The following EXOC6B variants were observed in gnomAD, a reference collection of about 807,000 sequenced individuals.
The protein encoded by EXOC6B is SEC15 homolog B.
Under a neutral mutation model 113.5 loss-of-function variants are expected in EXOC6B, and 54 were observed. The observed-to-expected ratio is 0.48, with a 90% CI of 0.38 to 0.60. EXOC6B has a LOEUF of 0.60. EXOC6B is among the 20% of genes least tolerant of loss of function. EXOC6B has a pLI of 0.00. For synonymous variants in EXOC6B, 357 were observed against 339.0 expected (o/e 1.05, Z -0.58); for missense variants, 797 against 977.5 (o/e 0.82, Z 2.46).
At chr2:72,286,699 T>G (rs1360423336) in intron 20 of EXOC6B, among the ~76,000 whole-genome samples, 1 of 152,066 alleles carries the variant, frequency 6.6e-6, no homozygotes, top group African/African-American at 2.4e-5. Context: ...CATACCACTC[T>G]GGGGGGAATA....
intron 16 of EXOC6B, among the ~76,000 whole-genome samples, chr2:72,487,663 A>T (rs1325758238): frequency 2.0e-5 from 3 of 152,120 alleles, no homozygotes; most frequent in Non-Finnish European, 4.4e-5. Context: ...CGAATCCTAC[A>T]CTGACAGTTT....
chr2:72,625,067 G>T (rs867318207), intron 6 of EXOC6B, among the ~76,000 whole-genome samples: 1,619 of 141,980 alleles, frequency 0.011, 33 homozygotes, highest in African/African-American at 0.024. Context: ...TTTTTTTTTG[G>T]GGGGGGGGTG....
chr2:72,547,410 G>A (rs1053472713), intron 8 of EXOC6B, among the ~76,000 whole-genome samples: 1 of 152,152 alleles, frequency 6.6e-6, no homozygotes, highest in South Asian at 2.1e-4. Context: ...AATCAAAGGT[G>A]AACATTTTGT....
chr2:72,425,030 C>T (rs1558654851), intron 18 of EXOC6B, among the ~76,000 whole-genome samples: 1 of 152,140 alleles, frequency 6.6e-6, no homozygotes, highest in Non-Finnish European at 1.5e-5. Context: ...TGTTGCTCTC[C>T]TCTATGTGTC....
At chr2:72,215,571 A>G (rs565621434) in intron 20 of EXOC6B, among the ~76,000 whole-genome samples, 1 of 152,286 alleles carries the variant, frequency 6.6e-6, no homozygotes, top group Admixed American at 6.5e-5. Flanking sequence ...AGGCACCTTC[A>G]AACAGACAGG....
chr2:72,465,387 G>A (rs1697983683), intron 17 of EXOC6B, 48 bp from the exon 18 acceptor site: 2 of 1,458,742 alleles, frequency 1.4e-6, no homozygotes, highest in African/African-American at 1.4e-5. Context: ...TTCAATATGG[G>A]CAGAAATTTC....
intron 6 of EXOC6B, among the ~76,000 whole-genome samples, chr2:72,609,639 T>A (rs1670953654): frequency 6.6e-6 from 1 of 150,624 alleles, no homozygotes; most frequent in African/African-American, 2.4e-5. Context: ...ATGATAAAAG[T>A]ATAATTGGAT....
At chr2:72,525,721 T>C (rs1701718079) in intron 8 of EXOC6B, among the ~76,000 whole-genome samples, 1 of 152,160 alleles carries the variant, frequency 6.6e-6, no homozygotes, top group Non-Finnish European at 1.5e-5. Context: ...CAAGTTATTT[T>C]ACTATTTAAA....
At chr2:72,335,944 T>A (rs1316529765) in intron 19 of EXOC6B, among the ~76,000 whole-genome samples, 1 of 152,092 alleles carries the variant, frequency 6.6e-6, no homozygotes. Context: ...CAAAAACTAG[T>A]AACAGTTAAG....
intron 19 of EXOC6B, among the ~76,000 whole-genome samples, chr2:72,351,453 A>G (rs762050156): frequency 1.3e-5 from 2 of 152,214 alleles, no homozygotes; most frequent in Non-Finnish European, 2.9e-5. Context: ...CACTGACTCA[A>G]CGTCTTTATC....
At chr2:72,686,212 T>C (rs1199413829) in intron 6 of EXOC6B, among the ~76,000 whole-genome samples, 2 of 152,230 alleles carry the variant, frequency 1.3e-5, no homozygotes, top group Non-Finnish European at 1.5e-5. Flanking sequence ...TTCCATGGTA[T>C]ATGAAGTCTG....
chr2:72,635,626 C>T (rs1001203232), intron 6 of EXOC6B, among the ~76,000 whole-genome samples: 1 of 152,092 alleles, frequency 6.6e-6, no homozygotes, highest in African/African-American at 2.4e-5. Context: ...TTCCACCAAA[C>T]ATTTTAAGAA....
At chr2:72,565,074 G>C (rs1000468857) in intron 7 of EXOC6B, among the ~76,000 whole-genome samples, 1 of 152,112 alleles carries the variant, frequency 6.6e-6, no homozygotes, top group Non-Finnish European at 1.5e-5. Flanking sequence ...CTGAGGGCCA[G>C]GCATGGCGGC....
chr2:72,428,797 T>C (rs1452279116), intron 18 of EXOC6B, among the ~76,000 whole-genome samples: 2 of 152,236 alleles, frequency 1.3e-5, no homozygotes, highest in African/African-American at 2.4e-5. Context: ...AGGTCACTGC[T>C]ATTGTTTCAT....
intron 18 of EXOC6B, among the ~76,000 whole-genome samples, chr2:72,410,097 T>C (rs1322302188): frequency 1.3e-5 from 2 of 152,198 alleles, no homozygotes; most frequent in Admixed American, 6.5e-5. Context: ...CCTTTGACTC[T>C]TCCCCAGAGT....
intron 18 of EXOC6B, among the ~76,000 whole-genome samples, chr2:72,401,648 T>TATATATATATATACATATATAC (rs1558631452): frequency 1.4e-4 from 7 of 51,358 alleles, no homozygotes; most frequent in East Asian, 4.1e-4. Flanking sequence ...CATATATACA[T>TATATATATATATACATATATAC]ATATATATAT....
At chr2:72,712,116 GAAGA>G (rs2104693181) in intron 6 of EXOC6B, among the ~76,000 whole-genome samples, 1 of 152,230 alleles carries the variant, frequency 6.6e-6, no homozygotes, top group South Asian at 2.1e-4. Context: ...AGGTATATTG[GAAGA>G]AAGACAGAAG....
chr2:72,266,492 C>T (rs1247615740), intron 20 of EXOC6B, among the ~76,000 whole-genome samples: 1 of 151,864 alleles, frequency 6.6e-6, no homozygotes, highest in Non-Finnish European at 1.5e-5. Flanking sequence ...GTTTTCCCAG[C>T]ACCATTTGTT....
At chr2:72,232,402 G>A (rs902914691) in intron 20 of EXOC6B, among the ~76,000 whole-genome samples, 13 of 152,144 alleles carry the variant, frequency 8.5e-5, no homozygotes, top group African/African-American at 3.1e-4. Context: ...AAAGTAATTT[G>A]TTAATATGCA....
Sources: gnomAD v4.1 joint callset for allele counts (sites outside exome capture counted in the v4.1 genomes callset) on GRCh38, gnomAD v4.1.1 for gene constraint, MANE v1.5 for transcripts, NCBI Gene and HGNC (gene_info 2026-07-23, HGNC 2026-07-21) for gene names.